Variants in SLC22A9 observed in about 807,000 individuals in gnomAD.
SLC22A9 encodes the protein solute carrier family 22 member 9, also known as organic anion transporter 7.
A neutral mutation model predicts 50.1 loss-of-function variants in SLC22A9; 64 were observed. The ratio of observed to expected loss-of-function variants is 1.28; its 90% CI spans 1.04 to 1.57. The LOEUF (loss-of-function observed/expected upper bound fraction) is 1.57. SLC22A9 is among the 40% of genes most tolerant of loss of function. The pLI is 0.00. For synonymous variants in SLC22A9, 261 were observed against 242.5 expected (o/e 1.08, Z -0.71); for missense variants, 757 against 676.1 (o/e 1.12, Z -1.33).
In SLC22A9 at chr11:63,373,627, C is replaced by G; in HGVS notation, c.507-17C>G. On this transcript the variant is annotated splice_polypyrimidine_tract_variant and intron_variant, in intron 2 of 9. Coordinates refer to ENST00000279178, the MANE Select transcript of SLC22A9 (RefSeq NM_080866.3). ...GTTGTTATTGTTCCCATTATCTAAC[C>G]TGTTTCTGTTTCTCAGGTTTGGGAG... is the stretch of plus-strand genomic sequence containing the variant. 1 of 1,518,714 alleles carries G rather than the reference C, an allele frequency of 6.6e-7. No individual in the cohort carries two copies. The highest frequency in any genetic ancestry group is 8.8e-7 in the Non-Finnish European group (1 of 1,138,048). The allele number at this position is 1,518,714 out of a possible 1,614,324, so 94.1% of individuals were successfully genotyped here.
intron 2 of SLC22A9, among the ~76,000 whole-genome samples, chr11:63,371,838 G>A (rs2014365023): frequency 6.6e-6 from 1 of 152,112 alleles, no homozygotes; most frequent in African/African-American, 2.4e-5. Context: ...AGAAGTTTGG[G>A]GTATTCACCT....
At chr11:63,400,669 C>T (rs1451851987) in intron 6 of SLC22A9, among the ~76,000 whole-genome samples, 1 of 152,052 alleles carries the variant, frequency 6.6e-6, no homozygotes. Flanking sequence ...TTTCACAAGG[C>T]CAGCATTACC....
In SLC22A9 at chr11:63,371,127, T is replaced by C. The variant is rs1406096494; in HGVS notation, c.403-8T>C. The C allele has an allele frequency of 1.9e-6, 3 of 1,606,282 alleles. No individual in the cohort carries two copies. In the African/African-American group the frequency reaches 4.0e-5, roughly 21 times the overall value. On this transcript the variant is annotated splice_polypyrimidine_tract_variant and splice_region_variant and intron_variant, in intron 1 of 9. Transcript: ENST00000279178. The stretch of plus-strand genomic sequence containing the variant: ...AAGCATTGATGTGCTGGCTTCCTTC[T>C]CTTCCAGTGGGATCTGGTATGTGAC...
intron 2 of SLC22A9, among the ~76,000 whole-genome samples, chr11:63,372,172 C>T (rs1027757488): frequency 5.3e-5 from 8 of 152,038 alleles, no homozygotes; most frequent in Non-Finnish European, 1.0e-4. Flanking sequence ...AGTGGAGAAT[C>T]AGCTAAAGAC....
intron 6 of SLC22A9, among the ~76,000 whole-genome samples, chr11:63,398,265 T>C (rs1156448857): frequency 2.0e-5 from 3 of 152,096 alleles, no homozygotes; most frequent in African/African-American, 7.2e-5. Context: ...CAAAGTCCTC[T>C]TCATTCTTCC....
chr11:63,401,706 C>A (rs1270375146), intron 6 of SLC22A9, among the ~76,000 whole-genome samples: 1 of 152,030 alleles, frequency 6.6e-6, no homozygotes, highest in Non-Finnish European at 1.5e-5. Context: ...AGTGGCTGAG[C>A]TAATTTGCAT....
At position 63,406,447 on chromosome 11, in the gene SLC22A9, T is replaced by G. The variant is rs779462705; in HGVS notation, c.1074-50T>G. ...GCCAATATTATTCTCATTTGTAGGA[T>G]GTAGGCTCCACAGATTATAATATGT... On this transcript the variant is annotated intron_variant, in intron 6 of 9. Transcript: ENST00000279178. The G allele has an allele frequency of 3.3e-6, 5 of 1,520,090 alleles. No homozygotes were observed. The South Asian group carries it at 5.7e-5, about 17-fold the overall frequency. 94.2% of individuals were successfully genotyped at this position (1,520,090 alleles called of 1,614,324 possible).
At chr11:63,378,983 C>T (rs1208153960) in intron 5 of SLC22A9, among the ~76,000 whole-genome samples, 1 of 152,034 alleles carries the variant, frequency 6.6e-6, no homozygotes, top group Non-Finnish European at 1.5e-5. Flanking sequence ...TATCAAACTA[C>T]CAAAGACATT....
intron 6 of SLC22A9, among the ~76,000 whole-genome samples, chr11:63,383,922 G>A (rs186879219): frequency 2.2e-4 from 34 of 152,112 alleles, no homozygotes; most frequent in African/African-American, 5.1e-4. Flanking sequence ...GGTGGTGCAC[G>A]CCTGTAGTCC....
At chr11:63,398,618 A>C (rs923819543) in intron 6 of SLC22A9, among the ~76,000 whole-genome samples, 6 of 152,058 alleles carry the variant, frequency 3.9e-5, no homozygotes, top group African/African-American at 1.4e-4. Context: ...CTGATTCCCA[A>C]TGCAAAGTCC....
At chr11:63,404,311 C>A (rs567641) in intron 6 of SLC22A9, among the ~76,000 whole-genome samples, 1 of 151,932 alleles carries the variant, frequency 6.6e-6, no homozygotes, top group African/African-American at 2.4e-5. Flanking sequence ...TCAGGGACAG[C>A]GGACAGAGGG....
chr11:63,405,091 C>T (rs2015013726), intron 6 of SLC22A9, among the ~76,000 whole-genome samples: 1 of 151,912 alleles, frequency 6.6e-6, no homozygotes, highest in South Asian at 2.1e-4. Context: ...AACCAAACAC[C>T]ACCTGTTCCC....
intron 6 of SLC22A9, among the ~76,000 whole-genome samples, chr11:63,391,033 G>A (rs994180169): frequency 6.6e-6 from 1 of 151,874 alleles, no homozygotes; most frequent in Non-Finnish European, 1.5e-5. Flanking sequence ...ATTATCATTT[G>A]TTTCAAGAAA....
At chr11:63,400,196 G>T (rs941432562) in intron 6 of SLC22A9, among the ~76,000 whole-genome samples, 1 of 151,630 alleles carries the variant, frequency 6.6e-6, no homozygotes, top group Admixed American at 6.6e-5. Context: ...AGAAATAAAC[G>T]AAATTGATAC....
intron 6 of SLC22A9, among the ~76,000 whole-genome samples, chr11:63,403,926 C>T (rs1426273996): frequency 6.6e-6 from 1 of 151,990 alleles, no homozygotes; most frequent in African/African-American, 2.4e-5. Flanking sequence ...AAATGCTACA[C>T]TCACCATGAA....
chr11:63,404,419 T>C (rs1244657426), intron 6 of SLC22A9, among the ~76,000 whole-genome samples: 2 of 152,202 alleles, frequency 1.3e-5, no homozygotes, highest in African/African-American at 4.8e-5. Flanking sequence ...CAGTAAATAC[T>C]GTACTGTATC....
intron 7 of SLC22A9, 58 bp downstream of exon 7, chr11:63,406,769 G>A: frequency 6.4e-7 from 1 of 1,552,660 alleles, no homozygotes; most frequent in Non-Finnish European, 8.8e-7. Context: ...CTCAGGGATT[G>A]TACTTGTCAC....
At chr11:63,373,516 C>A in intron 2 of SLC22A9, 128 bp from the exon 3 acceptor site, 2 of 903,684 alleles carry the variant, frequency 2.2e-6, no homozygotes, top group Non-Finnish European at 3.2e-6. Flanking sequence ...ATTACTGATT[C>A]TTTAAGGCTT....
At chr11:63,387,011 GC>G (rs1337804956) in intron 6 of SLC22A9, among the ~76,000 whole-genome samples, 29 of 152,000 alleles carry the variant, frequency 1.9e-4, no homozygotes, top group African/African-American at 6.8e-4. Context: ...GATCTTTCTA[GC>G]TTTTTGATGT....
Sources: gnomAD v4.1 joint callset for allele counts (sites outside exome capture counted in the v4.1 genomes callset) on GRCh38, gnomAD v4.1.1 for gene constraint, MANE v1.5 for transcripts, NCBI Gene and HGNC (gene_info 2026-07-23, HGNC 2026-07-21) for gene names.